The following PAWR variants were observed in gnomAD, a reference collection of about 807,000 sequenced individuals.
PAWR encodes PRKC apoptosis WT1 regulator protein.
In PAWR, 23 loss-of-function variants were observed where a neutral mutation model predicts 32.0. The ratio of observed to expected loss-of-function variants is 0.72; its 90% CI spans 0.52 to 1.02. The LOEUF is 1.02. Among genes scored for constraint, PAWR ranks in the 50% least tolerant of loss-of-function variants. The probability of loss-of-function intolerance (pLI) is 0.00; values close to 1 mark genes in which losing one functional copy is unlikely to be tolerated. For synonymous variants in PAWR, 226 were observed against 187.1 expected (o/e 1.21, Z -1.70); for missense variants, 457 against 437.7 (o/e 1.04, Z -0.39).
intron 4 of PAWR, among the ~76,000 whole-genome samples, chr12:79,605,502 G>A (rs1006549209): frequency 2.6e-5 from 4 of 151,330 alleles, no homozygotes; most frequent in African/African-American, 9.7e-5. Flanking sequence ...TATAATGTGT[G>A]TATATACAGA....
chr12:79,684,304 G>A (rs1298664917), intron 2 of PAWR, among the ~76,000 whole-genome samples: 1 of 151,876 alleles, frequency 6.6e-6, no homozygotes, highest in Non-Finnish European at 1.5e-5. Flanking sequence ...AAAAAAAAAT[G>A]CAGAAATAAT....
chr12:79,645,237 C>T (rs1301959344), intron 2 of PAWR, among the ~76,000 whole-genome samples: 1 of 152,062 alleles, frequency 6.6e-6, no homozygotes, highest in Non-Finnish European at 1.5e-5. Context: ...ATTCAAATGG[C>T]TACTAAGTTA....
At chr12:79,625,103 GA>G (rs1213795205) in intron 2 of PAWR, among the ~76,000 whole-genome samples, 18 of 151,798 alleles carry the variant, frequency 1.2e-4, no homozygotes, top group Non-Finnish European at 2.2e-4. Context: ...TATAATAATT[GA>G]AAAAAAGTAT....
At chr12:79,620,554 G>GGGAGTCCCATAAAGGGGCAGCC in intron 3 of PAWR, among the ~76,000 whole-genome samples, 1 of 152,302 alleles carries the variant, frequency 6.6e-6, no homozygotes, top group South Asian at 2.1e-4. Flanking sequence ...AGGTCAGAAA[G>GGGAGTCCCATAAAGGGGCAGCC]GGAGTCCCAT....
intron 2 of PAWR, among the ~76,000 whole-genome samples, chr12:79,655,122 T>C (rs140549822): frequency 1.7e-3 from 254 of 152,336 alleles, no homozygotes; most frequent in African/African-American, 5.7e-3. Context: ...AGTTTTCTAA[T>C]GCATTGCCTG....
chr12:79,635,178 T>A (rs1434144819), intron 2 of PAWR, among the ~76,000 whole-genome samples: 2 of 152,128 alleles, frequency 1.3e-5, no homozygotes, highest in Non-Finnish European at 2.9e-5. Context: ...TGAAAAAGAC[T>A]CCCTGTGGTG....
chr12:79,656,135 CG>C (rs1877083347), intron 2 of PAWR, among the ~76,000 whole-genome samples: 1 of 152,120 alleles, frequency 6.6e-6, no homozygotes, highest in Admixed American at 6.6e-5. Flanking sequence ...TGAGACAGAA[CG>C]GGCAGAGGGA....
chr12:79,655,886 A>T (rs747470592), intron 2 of PAWR, among the ~76,000 whole-genome samples: 10 of 152,246 alleles, frequency 6.6e-5, no homozygotes, highest in Non-Finnish European at 1.2e-4. Context: ...ATACAGTGTA[A>T]AATATGTGAA....
chr12:79,605,024 G>T (rs914812662), intron 4 of PAWR, among the ~76,000 whole-genome samples: 2 of 151,864 alleles, frequency 1.3e-5, no homozygotes, highest in African/African-American at 4.8e-5. Context: ...AATTCTGGCA[G>T]TTTATCACAT....
intron 2 of PAWR, among the ~76,000 whole-genome samples, chr12:79,671,359 A>C (rs1179122540): frequency 6.6e-6 from 1 of 152,208 alleles, no homozygotes; most frequent in African/African-American, 2.4e-5. Flanking sequence ...TTTAATCAAA[A>C]CAGGAAAGGT....
chr12:79,585,224 A>C lies in PAWR; in HGVS notation c.*7383T>G, dbSNP rs1278378549. 1.8e-5 allele frequency: 8 copies of C among 432,684 alleles called. No homozygotes were observed. Among genetic ancestry groups the C allele is most frequent in the Non-Finnish European group, 3.6e-5 (8 of 220,326 alleles). The allele number at this position is 432,684 out of a possible 1,614,324, so 26.8% of individuals were successfully genotyped here. On this transcript the variant is annotated 3_prime_UTR_variant, in exon 7 of 7. Transcript: ENST00000328827. ...CTACAATGTCCAAAAAGAAAGACCA[A>C]GATCTTTGCTTAAAAATAGAAATGC...
chr12:79,616,420 A>G (rs911867639), intron 3 of PAWR, among the ~76,000 whole-genome samples: 2 of 152,172 alleles, frequency 1.3e-5, no homozygotes, highest in African/African-American at 4.8e-5. Flanking sequence ...TGGTATATCA[A>G]CTGAAATTGT....
At position 79,599,901 on chromosome 12, in the gene PAWR, T is replaced by C. The variant is rs1873894753; in HGVS notation, c.684-3243A>G. On this transcript the variant is annotated intron_variant, in intron 4 of 6. Transcript: ENST00000328827. ...AACCCCAAAAATACTAGTGATCACATGTGAAATCCTGAACATCTGCTCCGG... is the reference window on the plus strand; with the variant it reads ...AACCCCAAAAATACTAGTGATCACACGTGAAATCCTGAACATCTGCTCCGG... 2.6e-5 allele frequency among the ~76,000 whole-genome samples: 4 copies of C among 152,174 alleles called. No homozygotes were observed. In the South Asian group the frequency reaches 8.3e-4, roughly 32 times the overall value.
At position 79,690,041 on chromosome 12, in the gene PAWR, C is replaced by G. The variant is rs1246352924; in HGVS notation, c.204G>C (p.Glu68Asp). The change falls in exon 2 of 7, where the codon GAG becomes GAC. Residue 68 changes from glutamate to aspartate, a missense_variant. Glu to Asp is a conservative substitution (Grantham distance 45). Coordinates refer to ENST00000328827, the MANE Select transcript of PAWR (RefSeq NM_002583.4). Reference sequence around the variant, plus strand: ...CGCCGCCCGGGAGGTTGTTGTTGAGCTCGTTGGCAGCGGCGGCCGCCGGGG... The same window carrying G: ...CGCCGCCCGGGAGGTTGTTGTTGAGGTCGTTGGCAGCGGCGGCCGCCGGGG... ...LGTPAAAAAN[E>D]LNNNLPGGAP... The G allele has an allele frequency of 8.9e-6, 12 of 1,352,626 alleles. No homozygotes were observed. Among genetic ancestry groups the G allele is most frequent in the Non-Finnish European group, 1.1e-5 (12 of 1,061,958 alleles). The allele number at this position is 1,352,626 out of a possible 1,614,324, so 83.8% of individuals were successfully genotyped here.
At chr12:79,660,329 T>C (rs1755536620) in intron 2 of PAWR, among the ~76,000 whole-genome samples, 1 of 152,140 alleles carries the variant, frequency 6.6e-6, no homozygotes, top group Non-Finnish European at 1.5e-5. Context: ...GAAAATGTTA[T>C]GAGACAGAGA....
chr12:79,682,633 G>A (rs1179873427), intron 2 of PAWR, among the ~76,000 whole-genome samples: 1 of 152,162 alleles, frequency 6.6e-6, no homozygotes, highest in Non-Finnish European at 1.5e-5. Flanking sequence ...TGATTTTGCT[G>A]CTTTTAGAAT....
At position 79,690,073 on chromosome 12, in the gene PAWR, G is replaced by A. The variant is rs1442776083; in HGVS notation, c.172C>T (p.Leu58=). 7.1e-7 allele frequency: 1 copy of A among 1,408,402 alleles called. No individual in the cohort carries two copies. Among genetic ancestry groups the A allele is most frequent in the African/African-American group, 1.5e-5 (1 of 65,642 alleles). The allele number at this position is 1,408,402 out of a possible 1,614,324, so 87.2% of individuals were successfully genotyped here. ...DAAGKPPAGA[L]GTPAAAAANE... Reference sequence around the variant, plus strand: ...GCAGCGGCGGCCGCCGGGGTGCCCAGAGCCCCCGCGGGGGGCTTCCCAGCG... The same window carrying A: ...GCAGCGGCGGCCGCCGGGGTGCCCAAAGCCCCCGCGGGGGGCTTCCCAGCG... The change falls in exon 2 of 7, where the codon CTG becomes TTG. Residue 58 remains leucine (L), a synonymous_variant. Transcript: ENST00000328827.
intron 4 of PAWR, chr12:79,604,130 T>C: frequency 2.0e-6 from 1 of 507,766 alleles, no homozygotes; most frequent in Non-Finnish European, 2.5e-6. Context: ...GAAAGCCAGA[T>C]ATGCACAGTG....
intron 3 of PAWR, among the ~76,000 whole-genome samples, 168 bp from the exon 4 acceptor site, chr12:79,613,777 A>AT (rs1204409000): frequency 6.6e-5 from 10 of 150,714 alleles, no homozygotes; most frequent in Non-Finnish European, 8.9e-5. Context: ...TCTACATCTG[A>AT]TTTTTCAGTC....
Sources: gnomAD v4.1 joint callset for allele counts (sites outside exome capture counted in the v4.1 genomes callset) on GRCh38, gnomAD v4.1.1 for gene constraint, MANE v1.5 for transcripts, NCBI Gene and HGNC (gene_info 2026-07-23, HGNC 2026-07-21) for gene names.